The following RAD51B variants were observed in gnomAD, a reference collection of about 807,000 sequenced individuals.
RAD51B encodes RAD51 paralog B.
In RAD51B, 38 loss-of-function variants were observed where a neutral mutation model predicts 42.2. The observed-to-expected ratio is 0.90, with a 90% CI of 0.70 to 1.18. RAD51B has a LOEUF of 1.18. Among genes scored for constraint, RAD51B ranks in the 50% most tolerant of loss-of-function variants. The pLI is 0.00. For missense variants in RAD51B, 373 were observed against 400.7 expected (o/e 0.93, Z 0.59); for synonymous variants, 154 against 145.2 (o/e 1.06, Z -0.43).
At chr14:68,598,459 C>G (rs947186444), downstream of RAD51B, among the ~76,000 whole-genome samples, 2 of 152,184 alleles carry the variant, frequency 1.3e-5, no homozygotes, top group Admixed American at 6.5e-5. Context: ...CGCAGAGTGT[C>G]TAATACTCCT....
At chr14:68,432,190 A>G (rs2085027076) in intron 9 of RAD51B, among the ~76,000 whole-genome samples, 1 of 152,212 alleles carries the variant, frequency 6.6e-6, no homozygotes, top group Non-Finnish European at 1.5e-5. Flanking sequence ...CAATTTTGGA[A>G]TAAGTATGAT....
chr14:67,965,575 A>G (rs999862082), intron 7 of RAD51B, among the ~76,000 whole-genome samples: 2 of 152,152 alleles, frequency 1.3e-5, no homozygotes, highest in South Asian at 2.1e-4. Context: ...TTGTCATGCC[A>G]GGGTTTCAGA....
chr14:68,460,469 C>G (rs767544655), intron 9 of RAD51B, among the ~76,000 whole-genome samples: 3 of 151,772 alleles, frequency 2.0e-5, no homozygotes, highest in Non-Finnish European at 4.4e-5. Context: ...AACAAACAAA[C>G]AAAAGCAGCC....
intron 4 of RAD51B, among the ~76,000 whole-genome samples, chr14:67,852,735 A>T (rs1453660528): frequency 1.3e-5 from 2 of 152,144 alleles, no homozygotes; most frequent in African/African-American, 4.8e-5. Flanking sequence ...CCTACCACTG[A>T]TATATGCATG....
intron 7 of RAD51B, among the ~76,000 whole-genome samples, chr14:67,970,065 T>C (rs1006088339): frequency 1.3e-5 from 2 of 152,176 alleles, no homozygotes; most frequent in Admixed American, 1.3e-4. Flanking sequence ...AGCTCATCAC[T>C]GTCTCATTTT....
At chr14:68,252,792 G>A (rs2080664388) in intron 7 of RAD51B, among the ~76,000 whole-genome samples, 1 of 151,998 alleles carries the variant, frequency 6.6e-6, no homozygotes, top group Non-Finnish European at 1.5e-5. Context: ...TCTTAAAAAA[G>A]GAATGTAGCC....
intron 4 of RAD51B, among the ~76,000 whole-genome samples, chr14:67,842,819 G>A (rs114000040): frequency 0.017 from 2,547 of 152,228 alleles, 71 homozygotes; most frequent in African/African-American, 0.059. Flanking sequence ...TCATAAATGG[G>A]TCTTAGTATT....
intron 7 of RAD51B, among the ~76,000 whole-genome samples, chr14:67,910,566 C>T (rs188745239): frequency 2.6e-5 from 4 of 151,554 alleles, no homozygotes; most frequent in South Asian, 2.1e-4. Flanking sequence ...TTTTTTGACT[C>T]GTAAAGTCAG....
intron 7 of RAD51B, among the ~76,000 whole-genome samples, chr14:67,900,306 G>T (rs1457897192): frequency 6.6e-6 from 1 of 152,094 alleles, no homozygotes; most frequent in African/African-American, 2.4e-5. Flanking sequence ...TGGCAAACTT[G>T]TAGCTTAAGT....
chr14:67,974,715 G>A (rs2074958201), intron 7 of RAD51B, among the ~76,000 whole-genome samples: 1 of 151,988 alleles, frequency 6.6e-6, no homozygotes, highest in Admixed American at 6.6e-5. Context: ...AATATAAATT[G>A]TTTAAATTTG....
chr14:68,294,248 G>A (rs1175982137), intron 8 of RAD51B, among the ~76,000 whole-genome samples: 1 of 151,988 alleles, frequency 6.6e-6, no homozygotes, highest in Admixed American at 6.6e-5. Flanking sequence ...GAGTTACCAG[G>A]TTATCCTCCC....
chr14:67,834,180 C>T (rs887772981), intron 3 of RAD51B, among the ~76,000 whole-genome samples: 6 of 152,092 alleles, frequency 3.9e-5, no homozygotes, highest in South Asian at 2.1e-4. Flanking sequence ...GGCTGCTTCT[C>T]TCTCTATACC....
chr14:68,597,697 G>A (rs542053528), downstream of RAD51B, among the ~76,000 whole-genome samples: 18 of 151,962 alleles, frequency 1.2e-4, no homozygotes, highest in South Asian at 2.1e-4. Flanking sequence ...TTGGGTACTG[G>A]GCTTAATACC....
intron 7 of RAD51B, among the ~76,000 whole-genome samples, chr14:68,058,374 C>T (rs935993929): frequency 9.9e-5 from 15 of 152,112 alleles, no homozygotes; most frequent in African/African-American, 3.6e-4. Context: ...GTAGAGTAGG[C>T]AATACGTGTA....
At chr14:68,313,360 G>A (rs1770052346) in intron 8 of RAD51B, among the ~76,000 whole-genome samples, 1 of 152,204 alleles carries the variant, frequency 6.6e-6, no homozygotes, top group South Asian at 2.1e-4. Flanking sequence ...TCTTAAATCT[G>A]AAGTTCCTCT....
chr14:68,571,605 C>T lies in RAD51B; in HGVS notation c.1037-22880C>T, dbSNP rs532238549. 1.3e-4 allele frequency among the ~76,000 whole-genome samples: 20 copies of T among 152,304 alleles called. No homozygotes were observed. In the South Asian group the frequency reaches 4.1e-3, roughly 32 times the overall value. ...TTAGGACCCTTGTGATTACGTTGGG[C>T]CAGGACAATGTGCCTGTTTTAAGGT... On this transcript the variant is annotated intron_variant, in intron 10 of 10. Transcript: ENST00000487270.
At chr14:68,249,242 C>G (rs916440396) in intron 7 of RAD51B, among the ~76,000 whole-genome samples, 4 of 152,214 alleles carry the variant, frequency 2.6e-5, no homozygotes, top group Admixed American at 2.0e-4. Flanking sequence ...TAAAGCAGAG[C>G]AAGTTCTGTC....
At chr14:68,160,806 A>G (rs1465650377) in intron 7 of RAD51B, among the ~76,000 whole-genome samples, 2 of 152,210 alleles carry the variant, frequency 1.3e-5, no homozygotes, top group African/African-American at 4.8e-5. Context: ...AAGCAAACCC[A>G]TACTATTGGC....
At chr14:67,898,694 CAT>C (rs2043505715) in intron 7 of RAD51B, among the ~76,000 whole-genome samples, 1 of 152,152 alleles carries the variant, frequency 6.6e-6, no homozygotes, top group Non-Finnish European at 1.5e-5. Context: ...ATGCATTAAA[CAT>C]ACACAGTTTT....
Sources: allele counts gnomAD v4.1 joint callset (sites outside exome capture counted in the v4.1 genomes callset), GRCh38; gene constraint gnomAD v4.1.1; transcripts MANE v1.5; gene names NCBI Gene and HGNC (gene_info 2026-07-23, HGNC 2026-07-21).